GPC4: variants seen among roughly 807,000 people sequenced by gnomAD.
GPC4 encodes glypican-4.
A neutral mutation model predicts 35.0 loss-of-function variants in GPC4; 10 were observed. The ratio of observed to expected loss-of-function variants is 0.29; its 90% CI spans 0.18 to 0.48. The LOEUF (loss-of-function observed/expected upper bound fraction) is 0.48. Ranked by LOEUF, GPC4 falls within the 20% of genes least tolerant of loss-of-function variation. The probability of loss-of-function intolerance (pLI) is 0.99; values close to 1 mark genes in which losing one functional copy is unlikely to be tolerated. For synonymous variants in GPC4, 167 were observed against 170.2 expected (o/e 0.98, Z 0.15); for missense variants, 322 against 451.3 (o/e 0.71, Z 2.60).
intron 3 of GPC4, among the ~76,000 whole-genome samples, chrX:133,323,406 G>A (rs1273031370): frequency 3.6e-5 from 4 of 111,804 alleles, no homozygotes; most frequent in East Asian, 5.6e-4. Flanking sequence ...CTTGAGCCCC[G>A]GAGGTGGAGG....
At chrX:133,411,752 C>T (rs1220484534) in intron 1 of GPC4, among the ~76,000 whole-genome samples, 2 of 111,458 alleles carry the variant, frequency 1.8e-5, no homozygotes, top group Non-Finnish European at 3.8e-5. Flanking sequence ...CCATTGAAAG[C>T]TGAACAAAAA....
chrX:133,387,072 C>T (rs2068694461), intron 1 of GPC4, among the ~76,000 whole-genome samples: 1 of 112,070 alleles, frequency 8.9e-6, no homozygotes, highest in African/African-American at 3.2e-5. Context: ...CTGGCTGTTT[C>T]AACCTGTGCT....
intron 4 of GPC4, among the ~76,000 whole-genome samples, chrX:133,310,515 G>C (rs1447460871): frequency 9.0e-6 from 1 of 111,378 alleles, no homozygotes; most frequent in Non-Finnish European, 1.9e-5. Flanking sequence ...TGGGTTCTGA[G>C]AATGGTTTTC....
intron 4 of GPC4, among the ~76,000 whole-genome samples, chrX:133,310,038 T>A (rs1255873152): frequency 9.0e-6 from 1 of 111,591 alleles, no homozygotes; most frequent in African/African-American, 3.3e-5. Context: ...AATATTCACA[T>A]CTTTTTTTAT....
At chrX:133,358,971 A>G (rs182570827) in intron 1 of GPC4, among the ~76,000 whole-genome samples, 178 of 111,334 alleles carry the variant, frequency 1.6e-3, no homozygotes, top group Non-Finnish European at 2.7e-3. Flanking sequence ...GGAGACACGA[A>G]AAATGATTAC....
chrX:133,344,631 T>C (rs1408940544), intron 1 of GPC4, among the ~76,000 whole-genome samples: 2 of 111,625 alleles, frequency 1.8e-5, no homozygotes, highest in East Asian at 5.6e-4. Context: ...CTCCCCACTT[T>C]TTTGGGAGGT....
chrX:133,378,019 A>G lies in GPC4; in HGVS notation c.160+36787T>C, dbSNP rs187227673. On this transcript the variant is annotated intron_variant, in intron 1 of 8. Transcript: ENST00000370828. ...ACGCGACCCTCCGACCTCAGCTTCC[A>G]GAGTAGCTGGGACTACAGGTGTGCA... 3.8e-3 allele frequency among the ~76,000 whole-genome samples: 404 copies of G among 105,856 alleles called. 1 individual carries two copies. The highest frequency in any genetic ancestry group is 9.7e-3 in the Middle Eastern group (2 of 206). 91.9% of individuals were successfully genotyped at this position (105,856 alleles called of 115,157 possible). A position where few individuals can be genotyped will look rare whatever the true frequency, so the allele number is the denominator to read the frequency against.
At position 133,339,194 on chromosome X, in the gene GPC4, T is replaced by C. The variant is rs1238091189; in HGVS notation, c.308A>G (p.Lys103Arg). 8.3e-7 allele frequency: 1 copy of C among 1,211,380 alleles called. No individual in the cohort carries two copies. Among genetic ancestry groups the C allele is most frequent in the Non-Finnish European group, 1.1e-6 (1 of 895,333 alleles). The change falls in exon 2 of 9, where the codon AAG becomes AGG. Residue 103 changes from lysine to arginine, a missense_variant. Lys to Arg is a conservative substitution (Grantham distance 26). Coordinates refer to ENST00000370828, the MANE Select transcript of GPC4 (RefSeq NM_001448.3). Reference sequence around the variant, plus strand: ...CTTGAATAACATACCATCAAACTTCTTGTAACGTGAAGCAAAGACAGCTTG... The same window carrying C: ...CTTGAATAACATACCATCAAACTTCCTGTAACGTGAAGCAAAGACAGCTTG... ...HLQAVFASRY[K>R]KFDEFFKELL...
intron 3 of GPC4, among the ~76,000 whole-genome samples, chrX:133,314,377 T>C (rs975187243): frequency 8.9e-6 from 1 of 111,851 alleles, no homozygotes; most frequent in African/African-American, 3.2e-5. Context: ...TCCCCTAAAA[T>C]AGGCTGATGG....
chrX:133,307,414 A>T (rs2068295426), intron 4 of GPC4, among the ~76,000 whole-genome samples: 1 of 112,316 alleles, frequency 8.9e-6, no homozygotes, highest in South Asian at 3.7e-4. Flanking sequence ...CATTTCTCTA[A>T]ACTACAATTC....
chrX:133,369,225 C>A (rs1315859101), intron 1 of GPC4, among the ~76,000 whole-genome samples: 1 of 111,501 alleles, frequency 9.0e-6, no homozygotes, highest in African/African-American at 3.3e-5. Flanking sequence ...CAATCAAGTG[C>A]CCTTTAAAAA....
At chrX:133,318,609 CTG>C (rs1002038106) in intron 3 of GPC4, among the ~76,000 whole-genome samples, 3 of 111,930 alleles carry the variant, frequency 2.7e-5, no homozygotes, top group Non-Finnish European at 5.6e-5. Context: ...TCAGTGTTAA[CTG>C]AAACCATGAG....
intron 1 of GPC4, among the ~76,000 whole-genome samples, chrX:133,407,399 G>T: frequency 1.8e-5 from 2 of 111,299 alleles, no homozygotes; most frequent in Middle Eastern, 9.3e-3. Flanking sequence ...CTCCCTCTCT[G>T]TCCAACTATC....
intron 4 of GPC4, among the ~76,000 whole-genome samples, chrX:133,306,934 C>T (rs1232710910): frequency 8.9e-6 from 1 of 111,838 alleles, no homozygotes; most frequent in Non-Finnish European, 1.9e-5. Flanking sequence ...AGCACTGAAT[C>T]GCTTCAATAA....
chrX:133,341,576 G>C (rs542955512), intron 1 of GPC4, among the ~76,000 whole-genome samples: 1 of 110,189 alleles, frequency 9.1e-6, no homozygotes, highest in Middle Eastern at 4.6e-3. Flanking sequence ...ATGTTAACAG[G>C]GTTCACACCT....
chrX:133,399,938 G>A (rs755618088), intron 1 of GPC4, among the ~76,000 whole-genome samples: 18 of 111,400 alleles, frequency 1.6e-4, no homozygotes, highest in Non-Finnish European at 3.0e-4. Flanking sequence ...GCTGCAGTGA[G>A]CCAAGATCAC....
intron 1 of GPC4, among the ~76,000 whole-genome samples, chrX:133,402,222 C>T (rs2068769852): frequency 8.9e-6 from 1 of 111,807 alleles, no homozygotes; most frequent in Non-Finnish European, 1.9e-5. Context: ...TCTGACCAAA[C>T]ACCAGACCGA....
At chrX:133,397,395 A>G (rs1184435441) in intron 1 of GPC4, among the ~76,000 whole-genome samples, 2 of 110,669 alleles carry the variant, frequency 1.8e-5, no homozygotes, top group Non-Finnish European at 3.8e-5. Context: ...TCCCTCCTAC[A>G]AAAAATATAT....
intron 4 of GPC4, among the ~76,000 whole-genome samples, chrX:133,307,958 T>C (rs773269883): frequency 8.9e-6 from 1 of 112,000 alleles, no homozygotes; most frequent in South Asian, 3.8e-4. Flanking sequence ...CAGCCGGCTA[T>C]ACACAAGAGC....
Sources: gnomAD v4.1 joint callset for allele counts (sites outside exome capture counted in the v4.1 genomes callset) on GRCh38, gnomAD v4.1.1 for gene constraint, MANE v1.5 for transcripts, NCBI Gene and HGNC (gene_info 2026-07-23, HGNC 2026-07-21) for gene names.